The following MTCH2 variants were observed in gnomAD, a reference collection of about 807,000 sequenced individuals.
MTCH2 encodes the protein mitochondrial carrier 2.
MTCH2 carries 25 observed loss-of-function variants against 50.6 expected under a neutral mutation model. That is an observed-to-expected ratio of 0.49 (90% CI 0.36 to 0.69). MTCH2 has a LOEUF of 0.69. Ranked by LOEUF, MTCH2 falls within the 30% of genes least tolerant of loss-of-function variation. The pLI, the probability that MTCH2 is intolerant of heterozygous loss-of-function variation, is 0.00. For synonymous variants in MTCH2, 106 were observed against 132.0 expected, an observed-to-expected ratio of 0.80 and a Z score of 1.35; for missense variants, 273 against 384.4, an observed-to-expected ratio of 0.71 and a Z score of 2.42.
At chr11:47,631,239 T>G in intron 6 of MTCH2, 152 bp from the exon 7 acceptor site, 1 of 598,042 alleles carries the variant, frequency 1.7e-6, no homozygotes, top group Non-Finnish European at 2.9e-6. Context: ...TGAAGCCCCA[T>G]CTCTACTAAA....
At position 47,617,668 on chromosome 11, in the gene MTCH2, A is replaced by G. The variant is rs2097289415; in HGVS notation, c.*1165T>C. The G allele has an allele frequency of 6.6e-6, 1 of 152,630 alleles. No individual in the cohort carries two copies. Among genetic ancestry groups the G allele is most frequent in the Non-Finnish European group, 1.5e-5 (1 of 68,042 alleles). 9.5% of individuals were successfully genotyped at this position (152,630 alleles called of 1,614,324 possible). A position where few individuals can be genotyped will look rare whatever the true frequency, so the allele number is the denominator to read the frequency against. On this transcript the variant is annotated 3_prime_UTR_variant, in exon 13 of 13. Coordinates refer to ENST00000302503, the MANE Select transcript of MTCH2 (RefSeq NM_014342.4). ...ACCACAGGCTTTCTCATTTTAGAGC[A>G]TTTTAACCTGCTTTTTAGAAGGCCT...
the MTCH2 span, among the ~76,000 whole-genome samples, chr11:47,608,681 G>A: frequency 5.3e-5 from 8 of 152,128 alleles, no homozygotes; most frequent in African/African-American, 1.4e-4. Context: ...AATCTTGGCC[G>A]ATTGCGGTGG....
downstream of MTCH2, among the ~76,000 whole-genome samples, chr11:47,616,898 G>A (rs1387743701): frequency 6.6e-6 from 1 of 151,934 alleles, no homozygotes; most frequent in Non-Finnish European, 1.5e-5. Context: ...TGGTCAGGAT[G>A]GTCTCGAATT....
At chr11:47,609,177 G>A in the MTCH2 span, among the ~76,000 whole-genome samples, 79 of 149,516 alleles carry the variant, frequency 5.3e-4, no homozygotes, top group Non-Finnish European at 9.0e-4. Context: ...CAAGGAGCCC[G>A]GGCGCGGTGG....
rs1348985264 is a variant in MTCH2, at chr11:47,618,576, T to A, written c.*257A>T. ...CCTGTAGCTTCAGGAAAATACAACT[T>A]TTTTTCCCTTCTGGTTAAGTAAAAT... On this transcript the variant is annotated 3_prime_UTR_variant, in exon 13 of 13. Coordinates refer to ENST00000302503, the MANE Select transcript of MTCH2 (RefSeq NM_014342.4). 3 of 426,142 alleles carry A rather than the reference T, an allele frequency of 7.0e-6. No homozygotes were observed. The highest frequency in any genetic ancestry group is 2.1e-5 in the African/African-American group (1 of 48,432). The allele number at this position is 426,142 out of a possible 1,614,324, so 26.4% of individuals were successfully genotyped here. A position where few individuals can be genotyped will look rare whatever the true frequency, so the allele number is the denominator to read the frequency against.
intron 5 of MTCH2, among the ~76,000 whole-genome samples, chr11:47,632,284 GAA>G (rs1467837372): frequency 6.6e-6 from 1 of 151,716 alleles, no homozygotes; most frequent in Admixed American, 6.6e-5. Context: ...AAGTAATAAA[GAA>G]AATTAAATTA....
At chr11:47,633,832 C>T (rs914559276) in intron 5 of MTCH2, among the ~76,000 whole-genome samples, 1 of 151,306 alleles carries the variant, frequency 6.6e-6, no homozygotes, top group Non-Finnish European at 1.5e-5. Flanking sequence ...CCACTGCGCC[C>T]AGCCTTTGGA....
chr11:47,635,707 C>T, intron 3 of MTCH2, 136 bp from the exon 4 acceptor site: 1 of 725,282 alleles, frequency 1.4e-6, no homozygotes, highest in Non-Finnish European at 2.2e-6. Context: ...TTTTAAGCTG[C>T]AAATCTTCAG....
chr11:47,614,732 C>T (rs539878590), downstream of MTCH2, among the ~76,000 whole-genome samples: 2 of 152,196 alleles, frequency 1.3e-5, no homozygotes, highest in Non-Finnish European at 2.9e-5. Flanking sequence ...TAGGCATGCG[C>T]CTCCATACCT....
intron 3 of MTCH2, 44 bp from the exon 4 acceptor site, chr11:47,635,615 C>A: frequency 6.4e-7 from 1 of 1,557,470 alleles, no homozygotes; most frequent in South Asian, 1.1e-5. Flanking sequence ...ATTACAGTGT[C>A]ATGTGAAAGA....
intron 8 of MTCH2, among the ~76,000 whole-genome samples, chr11:47,629,815 G>A (rs2097301372): frequency 6.6e-6 from 1 of 150,810 alleles, no homozygotes; most frequent in African/African-American, 2.4e-5. Flanking sequence ...ATAGAAGAAT[G>A]AGGGTAGTAG....
At chr11:47,638,417 C>T (rs1220389506) in intron 3 of MTCH2, among the ~76,000 whole-genome samples, 1 of 136,502 alleles carries the variant, frequency 7.3e-6, no homozygotes, top group East Asian at 2.2e-4. Context: ...GGCGCAGTGG[C>T]GGGAGCCTGT....
At position 47,634,723 on chromosome 11, in the gene MTCH2, A is replaced by C. The variant is rs1231817874; in HGVS notation, c.318T>G (p.Pro106=). 12 of 1,600,760 alleles carry C rather than the reference A, an allele frequency of 7.5e-6. No individual in the cohort carries two copies. The highest frequency in any genetic ancestry group is 1.0e-5 in the Non-Finnish European group (12 of 1,171,118). ...ATGAGACTTCTTTCTGTACATTTCCAGGTCCTAACTCCTGGAAATCAAAAT... is the reference window on the plus strand; with the variant it reads ...ATGAGACTTCTTTCTGTACATTTCCCGGTCCTAACTCCTGGAAATCAAAAT... The part of the protein sequence containing the change: ...QESDKGEELG[P]GNVQKEVSSS... The change falls in exon 5 of 13, where the codon CCT becomes CCG. Residue 106 remains proline (P), a synonymous_variant. Transcript: ENST00000302503.
Position 47,641,516 on chromosome 11 carries a change from T to C in MTCH2, c.87+863A>G, listed in dbSNP as rs567215551. 3.3e-5 allele frequency among the ~76,000 whole-genome samples: 5 copies of C among 152,270 alleles called. No individual in the cohort carries two copies. In the East Asian group the frequency reaches 7.7e-4, roughly 23 times the overall value. On this transcript the variant is annotated intron_variant, in intron 1 of 12. Transcript: ENST00000302503. Reference sequence around the variant, plus strand: ...AGGCACAGTGCATGAGGTAATTATGTCAACTCTCAGTAAAAGCATAAAAAA... The same window carrying C: ...AGGCACAGTGCATGAGGTAATTATGCCAACTCTCAGTAAAAGCATAAAAAA...
At chr11:47,612,283 G>A in the MTCH2 span, among the ~76,000 whole-genome samples, 6 of 151,982 alleles carry the variant, frequency 3.9e-5, no homozygotes, top group Admixed American at 3.9e-4. Context: ...AGCCAGATGT[G>A]TGGGCCGGGC....
At chr11:47,632,946 C>T (rs1001976829) in intron 5 of MTCH2, among the ~76,000 whole-genome samples, 3 of 151,770 alleles carry the variant, frequency 2.0e-5, no homozygotes, top group South Asian at 2.1e-4. Context: ...GTGATCTGCC[C>T]GCCTCAGCCT....
chr11:47,616,350 C>T (rs1485452830), downstream of MTCH2, among the ~76,000 whole-genome samples: 1 of 151,942 alleles, frequency 6.6e-6, no homozygotes, highest in Non-Finnish European at 1.5e-5. Context: ...ACTAGAGAAC[C>T]CCTACTTTTC....
At chr11:47,608,881 C>T in the MTCH2 span, among the ~76,000 whole-genome samples, 45 of 149,922 alleles carry the variant, frequency 3.0e-4, no homozygotes, top group Non-Finnish European at 5.5e-4. Flanking sequence ...TGGCGTGAAC[C>T]CGGGAGGCGG....
chr11:47,628,483 C>T (rs757177726), intron 9 of MTCH2, among the ~76,000 whole-genome samples: 10 of 152,190 alleles, frequency 6.6e-5, no homozygotes, highest in Non-Finnish European at 1.0e-4. Flanking sequence ...GAACAGTATG[C>T]TCATTTCATT....
Sources: allele counts gnomAD v4.1 joint callset (sites outside exome capture counted in the v4.1 genomes callset), GRCh38; gene constraint gnomAD v4.1.1; transcripts MANE v1.5; gene names NCBI Gene and HGNC (gene_info 2026-07-23, HGNC 2026-07-21).